Variants in AGBL4 observed in about 807,000 individuals in gnomAD.
AGBL4 encodes the protein AGBL carboxypeptidase 4.
AGBL4 carries 58 observed loss-of-function variants against 66.4 expected under a neutral mutation model. The ratio of observed to expected loss-of-function variants is 0.87; its 90% CI spans 0.71 to 1.09. The LOEUF (loss-of-function observed/expected upper bound fraction) is 1.09. AGBL4 is among the 50% of genes least tolerant of loss of function. The pLI, the probability that AGBL4 is intolerant of heterozygous loss-of-function variation, is 0.00. For missense variants in AGBL4, 579 were observed against 631.0 expected (o/e 0.92, Z 0.88); for synonymous variants, 234 against 222.9 (o/e 1.05, Z -0.44).
rs1167835143 is a variant in AGBL4 at position 50,019,306 on chromosome 1, T to TCTCACACACACACACA, written c.34+4456_34+4457insTGTGTGTGTGTGTGAG. On this transcript the variant is annotated intron_variant, in intron 1 of 13. Transcript: ENST00000371839. ...CTCTCTCTCTCTCTCTCTCTCTCTC[T>TCTCACACACACACACA]CACACACACACACACACACACACAC... is the stretch of plus-strand genomic sequence containing the variant. Among the ~76,000 whole-genome samples, 45 of 48,434 alleles carry TCTCACACACACACACA rather than the reference T, an allele frequency of 9.3e-4. No homozygotes were observed. In the East Asian group the frequency reaches 9.6e-3, roughly 10 times the overall value. The allele number at this position is 48,434 out of a possible 152,430, so 31.8% of individuals were successfully genotyped here.
intron 1 of AGBL4, among the ~76,000 whole-genome samples, chr1:49,977,627 C>T (rs576427984): frequency 1.3e-5 from 2 of 152,326 alleles, no homozygotes; most frequent in South Asian, 4.1e-4. Flanking sequence ...CTCTCACCTT[C>T]CATCAATTGC....
At chr1:48,728,142 C>T in intron 6 of AGBL4, 4 of 1,086,310 alleles carry the variant, frequency 3.7e-6, no homozygotes, top group Non-Finnish European at 5.2e-6. Context: ...ACATACTTCC[C>T]AAATACCAGC....
At chr1:48,947,685 A>G (rs1401112977) in intron 5 of AGBL4, among the ~76,000 whole-genome samples, 2 of 152,122 alleles carry the variant, frequency 1.3e-5, no homozygotes, top group African/African-American at 4.8e-5. Flanking sequence ...CTACTCCTCA[A>G]AACGTAACAT....
At chr1:48,662,754 T>C (rs933384589) in intron 7 of AGBL4, among the ~76,000 whole-genome samples, 1 of 152,190 alleles carries the variant, frequency 6.6e-6, no homozygotes, top group African/African-American at 2.4e-5. Context: ...TTTCAGTCAT[T>C]ACCTCCCATT....
Position 50,002,817 on chromosome 1 carries a change from C to T in AGBL4, c.34+20946G>A, listed in dbSNP as rs1325520992. Among the ~76,000 whole-genome samples, 5 of 152,232 alleles carry T rather than the reference C, an allele frequency of 3.3e-5. No individual in the cohort carries two copies. In the East Asian group the frequency reaches 9.6e-4, roughly 29 times the overall value. On this transcript the variant is annotated intron_variant, in intron 1 of 13. Coordinates refer to ENST00000371839, the MANE Select transcript of AGBL4 (RefSeq NM_032785.4). ...TTACTAGGATATGCATTACAGGATG[C>T]TAAGAGCCTCAAATTTCCTATGTTC...
At chr1:49,917,340 C>G (rs549720444) in intron 1 of AGBL4, among the ~76,000 whole-genome samples, 1 of 151,862 alleles carries the variant, frequency 6.6e-6, no homozygotes, top group Non-Finnish European at 1.5e-5. Context: ...TCAGGAAACC[C>G]ATCTCGTGTG....
chr1:49,658,303 A>G (rs1319683259), intron 3 of AGBL4, among the ~76,000 whole-genome samples: 6 of 152,184 alleles, frequency 3.9e-5, no homozygotes, highest in South Asian at 2.1e-4. Flanking sequence ...CAAAACCACA[A>G]TGAGATATCA....
At chr1:50,015,960 CAT>C (rs1661947103) in intron 1 of AGBL4, among the ~76,000 whole-genome samples, 1 of 152,104 alleles carries the variant, frequency 6.6e-6, no homozygotes, top group African/African-American at 2.4e-5. Context: ...AAGATTGAAA[CAT>C]ATACAAAAAT....
chr1:49,761,386 A>C (rs61140611), intron 2 of AGBL4, among the ~76,000 whole-genome samples: 3,255 of 152,264 alleles, frequency 0.021, 104 homozygotes, highest in African/African-American at 0.073. Flanking sequence ...ATGGTAGCAA[A>C]AGGTCAATGT....
intron 6 of AGBL4, among the ~76,000 whole-genome samples, chr1:48,863,940 T>G (rs1020738020): frequency 6.6e-6 from 1 of 151,938 alleles, no homozygotes; most frequent in Non-Finnish European, 1.5e-5. Context: ...ATCGATAAAT[T>G]CAACTACATA....
intron 2 of AGBL4, among the ~76,000 whole-genome samples, chr1:49,742,505 C>A (rs2147812048): frequency 6.6e-6 from 1 of 151,474 alleles, no homozygotes; most frequent in Non-Finnish European, 1.5e-5. Flanking sequence ...CAATGCCATC[C>A]CCATCAAGCT....
At chr1:49,070,458 T>G (rs1389080029) in intron 4 of AGBL4, among the ~76,000 whole-genome samples, 1 of 151,984 alleles carries the variant, frequency 6.6e-6, no homozygotes, top group African/African-American at 2.4e-5. Flanking sequence ...TTGAATTTTG[T>G]TGAAGGCCTT....
intron 6 of AGBL4, among the ~76,000 whole-genome samples, chr1:48,695,847 A>G (rs1166885389): frequency 6.6e-6 from 1 of 152,188 alleles, no homozygotes; most frequent in Non-Finnish European, 1.5e-5. Flanking sequence ...CAGGTTTGGT[A>G]AGTACTAGCC....
At chr1:49,086,848 T>A (rs1472687029) in intron 4 of AGBL4, among the ~76,000 whole-genome samples, 5 of 151,984 alleles carry the variant, frequency 3.3e-5, no homozygotes, top group Non-Finnish European at 5.9e-5. Context: ...GCCTGCCAAC[T>A]GTAGCCCCTG....
intron 5 of AGBL4, among the ~76,000 whole-genome samples, chr1:49,012,988 A>G (rs747505332): frequency 2.0e-5 from 3 of 152,196 alleles, no homozygotes; most frequent in Non-Finnish European, 4.4e-5. Flanking sequence ...GCTCTCTCAC[A>G]AGCCCTCCTG....
At chr1:49,906,537 T>C (rs1369013670) in intron 1 of AGBL4, among the ~76,000 whole-genome samples, 1 of 152,062 alleles carries the variant, frequency 6.6e-6, no homozygotes, top group African/African-American at 2.4e-5. Flanking sequence ...GCATACCCAA[T>C]ATTTATGTCA....
At chr1:49,569,932 G>A (rs1437701372) in intron 3 of AGBL4, among the ~76,000 whole-genome samples, 1 of 152,084 alleles carries the variant, frequency 6.6e-6, no homozygotes. Flanking sequence ...TTTTATGGCT[G>A]AATAGTATTC....
intron 2 of AGBL4, among the ~76,000 whole-genome samples, chr1:49,729,984 A>T (rs959474010): frequency 6.6e-6 from 1 of 151,756 alleles, no homozygotes; most frequent in Non-Finnish European, 1.5e-5. Flanking sequence ...TCTGTTTCCC[A>T]CTCTTTCCTC....
At chr1:49,828,887 G>A (rs1207400363) in intron 2 of AGBL4, among the ~76,000 whole-genome samples, 1 of 152,008 alleles carries the variant, frequency 6.6e-6, no homozygotes, top group African/African-American at 2.4e-5. Context: ...TGGCTAACAC[G>A]GTGAAACCCG....
Sources: allele counts gnomAD v4.1 joint callset (sites outside exome capture counted in the v4.1 genomes callset), GRCh38; gene constraint gnomAD v4.1.1; transcripts MANE v1.5; gene names NCBI Gene and HGNC (gene_info 2026-07-23, HGNC 2026-07-21).